The following COG5 variants were observed in gnomAD, a reference collection of about 807,000 sequenced individuals.
COG5 encodes conserved oligomeric Golgi complex subunit 5.
In COG5, 86 loss-of-function variants were observed where a neutral mutation model predicts 110.4. The observed-to-expected ratio is 0.78, with a 90% CI of 0.65 to 0.93. The LOEUF is 0.93. COG5 is among the 40% of genes least tolerant of loss of function. The pLI, the probability that COG5 is intolerant of heterozygous loss-of-function variation, is 0.00. For missense variants in COG5, 1,077 were observed against 987.0 expected, an observed-to-expected ratio of 1.09 and a Z score of -1.22; for synonymous variants, 360 against 334.6, an observed-to-expected ratio of 1.08 and a Z score of -0.83.
rs754919944 is a variant in COG5 at position 107,546,435 on chromosome 7, G to GTTTTTTTTTTTT, written c.417+1664_417+1675dup. On this transcript the variant is annotated intron_variant, in intron 5 of 21. Coordinates refer to ENST00000297135, the MANE Select transcript of COG5 (RefSeq NM_006348.5). ...ACCAAGAGTTGTGTTTTGGTTTTTT[G>GTTTTTTTTTTTT]TTTTTTTTTTTTTTTTTTGAGACAA... Among the ~76,000 whole-genome samples the GTTTTTTTTTTTT allele has an allele frequency of 4.8e-4, 57 of 119,516 alleles. 1 individual carries two copies. Among genetic ancestry groups the GTTTTTTTTTTTT allele is most frequent in the Non-Finnish European group, 7.9e-4 (46 of 58,260 alleles). 78.4% of individuals were successfully genotyped at this position (119,516 alleles called of 152,430 possible).
intron 6 of COG5, among the ~76,000 whole-genome samples, chr7:107,488,027 T>C (rs968519780): frequency 2.6e-5 from 4 of 152,122 alleles, no homozygotes; most frequent in Non-Finnish European, 5.9e-5. Context: ...AATGAACATA[T>C]ATTGTTAATG....
chr7:107,425,591 A>G (rs1213991898), intron 6 of COG5, among the ~76,000 whole-genome samples: 1 of 152,084 alleles, frequency 6.6e-6, no homozygotes, highest in African/African-American at 2.4e-5. Context: ...ATGACGAAAT[A>G]ACATAAACAT....
At chr7:107,316,842 A>G (rs1290084285) in intron 11 of COG5, among the ~76,000 whole-genome samples, 1 of 151,986 alleles carries the variant, frequency 6.6e-6, no homozygotes, top group Non-Finnish European at 1.5e-5. Flanking sequence ...GGAAAAAAAA[A>G]GAAAGAAAAG....
At chr7:107,314,618 G>A (rs1042854211) in intron 11 of COG5, among the ~76,000 whole-genome samples, 3 of 151,290 alleles carry the variant, frequency 2.0e-5, no homozygotes, top group African/African-American at 7.3e-5. Flanking sequence ...GGCATGGTGG[G>A]CGTGCCTGTA....
At chr7:107,219,744 G>T (rs1799773983) in intron 19 of COG5, among the ~76,000 whole-genome samples, 1 of 152,146 alleles carries the variant, frequency 6.6e-6, no homozygotes, top group Non-Finnish European at 1.5e-5. Context: ...GAGGAAGATG[G>T]TTTTTGAAAT....
At position 107,540,670 on chromosome 7, in the gene COG5, C is replaced by T. The variant is rs769270831; in HGVS notation, c.417+7441G>A. 9.4e-4 allele frequency among the ~76,000 whole-genome samples: 141 copies of T among 149,854 alleles called. 1 individual carries two copies. In the Middle Eastern group the frequency reaches 0.017, roughly 18 times the overall value. On this transcript the variant is annotated intron_variant, in intron 5 of 21. Transcript: ENST00000297135. ...ACTTAAGTGTGAACCAGAAAAAAGT[C>T]CAACATTATTTAAAAGAAATTTTAA...
intron 6 of COG5, among the ~76,000 whole-genome samples, chr7:107,494,907 A>T (rs1442145176): frequency 6.6e-6 from 1 of 152,136 alleles, no homozygotes; most frequent in Non-Finnish European, 1.5e-5. Flanking sequence ...GTTATTTCAC[A>T]TAAAGCTGGG....
At chr7:107,497,407 A>T (rs1450041635) in intron 6 of COG5, among the ~76,000 whole-genome samples, 1 of 152,106 alleles carries the variant, frequency 6.6e-6, no homozygotes, top group South Asian at 2.1e-4. Flanking sequence ...ATGCATAAAG[A>T]CCCCACCAAA....
At chr7:107,211,853 CA>C (rs1237434697) in intron 19 of COG5, among the ~76,000 whole-genome samples, 1 of 152,142 alleles carries the variant, frequency 6.6e-6, no homozygotes, top group Non-Finnish European at 1.5e-5. Flanking sequence ...CCACCTGGTG[CA>C]AAAGGCTGGC....
chr7:107,529,247 A>T (rs1801002249), intron 5 of COG5, among the ~76,000 whole-genome samples: 1 of 152,226 alleles, frequency 6.6e-6, no homozygotes, highest in Admixed American at 6.5e-5. Context: ...TGTTGCAGGT[A>T]GTTAGACAGT....
intron 10 of COG5, among the ~76,000 whole-genome samples, chr7:107,326,838 AAAAC>A (rs1024155859): frequency 6.6e-5 from 10 of 152,290 alleles, no homozygotes; most frequent in South Asian, 6.2e-4. Flanking sequence ...CTTGAGGGAA[AAAAC>A]AAACAAACAA....
chr7:107,418,698 A>G (rs1166402910), intron 6 of COG5, among the ~76,000 whole-genome samples: 1 of 151,232 alleles, frequency 6.6e-6, no homozygotes, highest in Non-Finnish European at 1.5e-5. Flanking sequence ...TCCAAGGACA[A>G]CTACATATAC....
chr7:107,284,097 G>A (rs1316352357), intron 12 of COG5, among the ~76,000 whole-genome samples: 1 of 152,020 alleles, frequency 6.6e-6, no homozygotes, highest in Non-Finnish European at 1.5e-5. Flanking sequence ...GCTAATTGTT[G>A]TATTTTTAGT....
At chr7:107,292,478 G>A (rs754025134) in intron 12 of COG5, among the ~76,000 whole-genome samples, 1 of 152,110 alleles carries the variant, frequency 6.6e-6, no homozygotes, top group Non-Finnish European at 1.5e-5. Context: ...TTTTAGAACT[G>A]ACTGAGTGGT....
At chr7:107,524,392 T>A (rs565075406) in intron 6 of COG5, among the ~76,000 whole-genome samples, 1 of 152,334 alleles carries the variant, frequency 6.6e-6, no homozygotes, top group East Asian at 1.9e-4. Context: ...AAACATTGCT[T>A]TTAAGTTAAT....
intron 7 of COG5, among the ~76,000 whole-genome samples, chr7:107,373,361 C>T (rs1056203376): frequency 2.0e-5 from 3 of 151,924 alleles, no homozygotes; most frequent in East Asian, 1.9e-4. Context: ...AACAGAATAA[C>T]GGGTAGTAAC....
At chr7:107,382,770 TG>T (rs1230787080) in intron 7 of COG5, among the ~76,000 whole-genome samples, 1 of 152,212 alleles carries the variant, frequency 6.6e-6, no homozygotes. Context: ...CTCAGTCCTG[TG>T]GTGATTTTTT....
At chr7:107,557,554 T>C (rs1803412270) in intron 2 of COG5, among the ~76,000 whole-genome samples, 1 of 152,256 alleles carries the variant, frequency 6.6e-6, no homozygotes, top group Non-Finnish European at 1.5e-5. Context: ...TGTATCCTAC[T>C]CACAATAACA....
intron 7 of COG5, among the ~76,000 whole-genome samples, chr7:107,411,994 C>T (rs1792335940): frequency 6.6e-6 from 1 of 151,984 alleles, no homozygotes; most frequent in Non-Finnish European, 1.5e-5. Flanking sequence ...GGAGAAATGT[C>T]AAGTCAAAAA....
Sources: allele counts gnomAD v4.1 joint callset (sites outside exome capture counted in the v4.1 genomes callset), GRCh38; gene constraint gnomAD v4.1.1; transcripts MANE v1.5; gene names NCBI Gene and HGNC (gene_info 2026-07-23, HGNC 2026-07-21).